The following PLCZ1 variants were observed in gnomAD, a reference collection of about 807,000 sequenced individuals.
PLCZ1 encodes phospholipase C zeta 1.
A neutral mutation model predicts 76.8 loss-of-function variants in PLCZ1; 64 were observed. That is an observed-to-expected ratio of 0.83 (90% CI 0.68 to 1.03). The LOEUF (loss-of-function observed/expected upper bound fraction) is 1.03. Ranked by LOEUF, PLCZ1 falls within the 50% of genes least tolerant of loss-of-function variation. The pLI, the probability that PLCZ1 is intolerant of heterozygous loss-of-function variation, is 0.00. For synonymous variants in PLCZ1, 248 were observed against 230.8 expected, an observed-to-expected ratio of 1.07 and a Z score of -0.68; for missense variants, 751 against 713.7, an observed-to-expected ratio of 1.05 and a Z score of -0.60.
At chr12:18,647,785 C>T in the PLCZ1 span, 2 of 622,260 alleles carry the variant, frequency 3.2e-6, no homozygotes, top group Non-Finnish European at 5.0e-6. Flanking sequence ...AAGATATTAG[C>T]AGCTAATTTT....
rs73346960 is a variant in PLCZ1, at chr12:18,723,180, T to C, written c.367+131A>G. Reference sequence around the variant, plus strand: ...TATAAAATATATTTTCTCAAAGATATTTGACCCATCCAAAAACGGTAATTT... The same window carrying C: ...TATAAAATATATTTTCTCAAAGATACTTGACCCATCCAAAAACGGTAATTT... On this transcript the variant is annotated intron_variant, in intron 4 of 14. Coordinates refer to ENST00000266505, the MANE Select transcript of PLCZ1 (RefSeq NM_033123.4). 18,256 of 743,292 alleles carry C rather than the reference T, an allele frequency of 0.025. 781 individuals carry two copies. Among genetic ancestry groups the C allele is most frequent in the African/African-American group, 0.16 (8,771 of 56,260 alleles). The allele number at this position is 743,292 out of a possible 1,614,324, so 46.0% of individuals were successfully genotyped here. A position where few individuals can be genotyped will look rare whatever the true frequency, so the allele number is the denominator to read the frequency against.
chr12:18,679,469 A>G (rs1952229959), downstream of PLCZ1, among the ~76,000 whole-genome samples: 1 of 151,878 alleles, frequency 6.6e-6, no homozygotes, highest in African/African-American at 2.4e-5. Flanking sequence ...ATTTTTGTGT[A>G]TTGTGCATTA....
intron 10 of PLCZ1, among the ~76,000 whole-genome samples, chr12:18,698,723 A>G (rs547851750): frequency 2.3e-4 from 35 of 152,192 alleles, no homozygotes; most frequent in Non-Finnish European, 4.6e-4. Context: ...GTCTAGTAAC[A>G]CATCAGGATA....
intron 9 of PLCZ1, 72 bp downstream of exon 9, chr12:18,701,428 TA>T (rs979839898): frequency 2.5e-5 from 40 of 1,603,948 alleles, no homozygotes; most frequent in Middle Eastern, 1.7e-4. Context: ...TCCAGAATTT[TA>T]AAAAAATCTC....
At chr12:18,648,241 T>C in the PLCZ1 span, 1 of 304,932 alleles carries the variant, frequency 3.3e-6, no homozygotes, top group Non-Finnish European at 6.0e-6. Context: ...AGTGGAGTAC[T>C]GATTGCATGA....
At chr12:18,731,753 T>C (rs1489394454) in intron 3 of PLCZ1, among the ~76,000 whole-genome samples, 3 of 152,062 alleles carry the variant, frequency 2.0e-5, no homozygotes, top group African/African-American at 4.8e-5. Flanking sequence ...TGATCTGGAT[T>C]GGCCAGTGTA....
intron 2 of PLCZ1, 98 bp downstream of exon 2, chr12:18,737,263 C>T: frequency 7.4e-7 from 1 of 1,351,428 alleles, no homozygotes; most frequent in Non-Finnish European, 1.1e-6. Flanking sequence ...ATGAAGAGGA[C>T]TTAAATTCAG....
At chr12:18,656,955 C>G in the PLCZ1 span, among the ~76,000 whole-genome samples, 19 of 152,092 alleles carry the variant, frequency 1.2e-4, no homozygotes, top group African/African-American at 4.3e-4. Flanking sequence ...TAAGGCAGCC[C>G]TAATGACAGC....
chr12:18,719,853 A>G (rs1363584611), intron 4 of PLCZ1, among the ~76,000 whole-genome samples: 1 of 152,120 alleles, frequency 6.6e-6, no homozygotes, highest in Admixed American at 6.6e-5. Flanking sequence ...TATATTATTT[A>G]ATTATCTCTT....
intron 12 of PLCZ1, among the ~76,000 whole-genome samples, chr12:18,689,829 C>T (rs1053120788): frequency 2.0e-5 from 3 of 152,158 alleles, no homozygotes; most frequent in Admixed American, 6.6e-5. Context: ...CTTAAGAAAG[C>T]TTATAGTAAA....
chr12:18,660,423 G>C, the PLCZ1 span, among the ~76,000 whole-genome samples: 1 of 152,150 alleles, frequency 6.6e-6, no homozygotes, highest in Non-Finnish European at 1.5e-5. Context: ...CAGCTGAAGT[G>C]AGATCCAGGG....
At chr12:18,700,020 G>T in intron 9 of PLCZ1, 70 bp from the exon 10 acceptor site, 1 of 1,255,268 alleles carries the variant, frequency 8.0e-7, no homozygotes. Context: ...TTCTAGTAAA[G>T]AAAATACACT....
intron 13 of PLCZ1, among the ~76,000 whole-genome samples, chr12:18,687,415 C>T: frequency 6.6e-6 from 1 of 152,120 alleles, no homozygotes; most frequent in African/African-American, 2.4e-5. Flanking sequence ...CCAATGTCTC[C>T]TTCAAGGTGA....
At chr12:18,670,270 A>G in the PLCZ1 span, among the ~76,000 whole-genome samples, 14 of 152,102 alleles carry the variant, frequency 9.2e-5, no homozygotes, top group Admixed American at 7.2e-4. Context: ...TTTCTCCACA[A>G]TTACAGAAAT....
chr12:18,737,752 GT>G (rs1959560996), intron 1 of PLCZ1, 179 bp downstream of exon 1: 1 of 377,600 alleles, frequency 2.6e-6, no homozygotes, highest in Non-Finnish European at 5.0e-6. Context: ...TTACTACTTT[GT>G]TTAAACCCCT....
the PLCZ1 span, among the ~76,000 whole-genome samples, chr12:18,651,113 T>C: frequency 6.6e-6 from 1 of 152,034 alleles, no homozygotes; most frequent in Non-Finnish European, 1.5e-5. Context: ...ACTCTTATTA[T>C]ATCCTCCTAT....
the PLCZ1 span, among the ~76,000 whole-genome samples, chr12:18,667,026 TA>T: frequency 6.6e-6 from 1 of 152,160 alleles, no homozygotes; most frequent in Non-Finnish European, 1.5e-5. Flanking sequence ...AATAATGGTG[TA>T]GGCTATATCA....
chr12:18,706,956 C>A (rs1453785510), intron 6 of PLCZ1, among the ~76,000 whole-genome samples: 1 of 152,192 alleles, frequency 6.6e-6, no homozygotes, highest in African/African-American at 2.4e-5. Context: ...GAAGAAGAAT[C>A]CTCCTTGCCT....
intron 12 of PLCZ1, among the ~76,000 whole-genome samples, chr12:18,692,060 A>T (rs909526971): frequency 6.6e-6 from 1 of 152,142 alleles, no homozygotes; most frequent in African/African-American, 2.4e-5. Flanking sequence ...TGAGCCAGGA[A>T]AAGTCGCAGG....
Sources: gnomAD v4.1 joint callset for allele counts (sites outside exome capture counted in the v4.1 genomes callset) on GRCh38, gnomAD v4.1.1 for gene constraint, MANE v1.5 for transcripts, NCBI Gene and HGNC (gene_info 2026-07-23, HGNC 2026-07-21) for gene names.